The following TRPM1 variants were observed in gnomAD, a reference collection of about 807,000 sequenced individuals.
TRPM1 encodes TRPM1-203 APA Isoform, Intron 10.
TRPM1 carries 113 observed loss-of-function variants against 149.4 expected under a neutral mutation model. The observed-to-expected ratio is 0.76, with a 90% confidence interval of 0.65 to 0.88. TRPM1 has a LOEUF of 0.88. Among genes scored for constraint, TRPM1 ranks in the 40% least tolerant of loss-of-function variants. TRPM1 has a pLI of 0.00. For missense variants in TRPM1, 1,976 were observed against 2,038.7 expected (o/e 0.97, Z 0.59); for synonymous variants, 741 against 759.5 (o/e 0.98, Z 0.40).
At chr15:31,039,496 T>C (rs1021266478) in intron 18 of TRPM1, among the ~76,000 whole-genome samples, 2 of 152,180 alleles carry the variant, frequency 1.3e-5, no homozygotes, top group Non-Finnish European at 2.9e-5. Flanking sequence ...CTAAAATAGA[T>C]ATAATACTGC....
At chr15:31,080,149 A>G (rs761419906) in intron 2 of TRPM1, among the ~76,000 whole-genome samples, 3 of 152,210 alleles carry the variant, frequency 2.0e-5, no homozygotes, top group Non-Finnish European at 4.4e-5. Flanking sequence ...TCCCTATTAA[A>G]TGTGGAAGGA....
intron 1 of TRPM1, among the ~76,000 whole-genome samples, chr15:31,113,741 A>G (rs1046953360): frequency 2.6e-5 from 4 of 152,314 alleles, no homozygotes; most frequent in South Asian, 2.1e-4. Context: ...GCCTTTAAGA[A>G]TGAAGCATGC....
chr15:31,065,623 T>A (rs1307339320), intron 7 of TRPM1, among the ~76,000 whole-genome samples: 1 of 152,080 alleles, frequency 6.6e-6, no homozygotes, highest in Non-Finnish European at 1.5e-5. Flanking sequence ...TGCAGCCCTC[T>A]CCAGATATGT....
In TRPM1 at chr15:31,076,127, C is replaced by CGG. The variant is rs3214509; in HGVS notation, c.83+776_83+777dup. 1.9e-3 allele frequency among the ~76,000 whole-genome samples: 282 copies of CGG among 151,750 alleles called. 1 individual carries two copies. The East Asian group carries it at 0.039, about 21-fold the overall frequency. ...TGTTTCATAATGGCATTTCTTACCT[C>CGG]GGGGGGCAATCACTGGGGTTTAAGC... On this transcript the variant is annotated intron_variant, in intron 3 of 27. Coordinates refer to ENST00000256552, the MANE Select transcript of TRPM1 (RefSeq NM_001252024.2).
chr15:31,117,378 C>T (rs1187160639), intron 1 of TRPM1, among the ~76,000 whole-genome samples: 1 of 152,084 alleles, frequency 6.6e-6, no homozygotes, highest in Non-Finnish European at 1.5e-5. Flanking sequence ...CCCAGCTACT[C>T]AGGATGCTGA....
At position 31,002,248 on chromosome 15, in the gene TRPM1, C is replaced by G. The variant is rs16956430; in HGVS notation, c.4452G>C (p.Thr1484=). The G allele has an allele frequency of 9.7e-5, 156 of 1,614,196 alleles. 1 individual carries two copies. The Middle Eastern group carries it at 2.3e-3, about 24-fold the overall frequency. The change falls in exon 28 of 28, where the codon ACG becomes ACC. Residue 1484 remains threonine (T), a synonymous_variant. Coordinates refer to ENST00000256552, the MANE Select transcript of TRPM1 (RefSeq NM_001252024.2). The part of the protein sequence containing the change: ...VNQDVEYSSI[T]DQQLTTEWQC... The stretch of plus-strand genomic sequence containing the variant: ...GCCATTCCGTCGTCAATTGCTGGTC[C>G]GTGATTGAACTGTACTCTACATCCT...
At chr15:31,089,998 G>GA (rs1241214679) in intron 1 of TRPM1, among the ~76,000 whole-genome samples, 8 of 151,966 alleles carry the variant, frequency 5.3e-5, no homozygotes, top group Non-Finnish European at 1.2e-4. Context: ...TAAAACAAAT[G>GA]AAAAAACCCT....
intron 1 of TRPM1, among the ~76,000 whole-genome samples, chr15:31,123,119 G>A (rs1392780406): frequency 6.6e-6 from 1 of 152,164 alleles, no homozygotes; most frequent in Non-Finnish European, 1.5e-5. Flanking sequence ...AAATGATGCT[G>A]GGACAACTGA....
intron 1 of TRPM1, among the ~76,000 whole-genome samples, chr15:31,109,494 C>G (rs28464536): frequency 6.6e-6 from 1 of 151,384 alleles, no homozygotes; most frequent in Non-Finnish European, 1.5e-5. Flanking sequence ...GTCTGGAGTT[C>G]GAGATCAACC....
chr15:31,056,902 T>C (rs2034100892), intron 11 of TRPM1, among the ~76,000 whole-genome samples: 1 of 152,242 alleles, frequency 6.6e-6, no homozygotes, highest in Non-Finnish European at 1.5e-5. Context: ...TTACCCCATC[T>C]GTGGTATTCT....
At chr15:31,079,982 G>A (rs1484867532) in intron 2 of TRPM1, among the ~76,000 whole-genome samples, 1 of 152,114 alleles carries the variant, frequency 6.6e-6, no homozygotes, top group African/African-American at 2.4e-5. Flanking sequence ...GGCTCCCAGT[G>A]GCTTTCTCTG....
intron 21 of TRPM1, 41 bp from the exon 22 acceptor site, chr15:31,032,981 A>G: frequency 6.2e-7 from 1 of 1,612,932 alleles, no homozygotes; most frequent in South Asian, 1.1e-5. Context: ...GAGATGCCGT[A>G]TTAGAAGTCT....
Position 31,002,220 on chromosome 15 carries a change from A to C in TRPM1, c.4480T>G (p.Cys1494Gly). Residue 1494 changes from cysteine (C) to glycine (G), a missense_variant, in exon 28 of 28, where the codon TGC becomes GGC. Around this residue, in one of 3 missense-constraint regions of TRPM1, gnomAD observed 572 missense variants for 578.9 expected, o/e 0.99. Transcript: ENST00000256552. ...TDQQLTTEWQ[C>G]QVQKITRSHS... ...GAGCGCGTGATCTTTTGAACTTGGC[A>C]TTGCCATTCCGTCGTCAATTGCTGG... 6.2e-7 allele frequency: 1 copy of C among 1,614,220 alleles called. No individual in the cohort carries two copies. The highest frequency in any genetic ancestry group is 1.1e-5 in the South Asian group (1 of 91,088).
At chr15:31,020,951 C>G (rs2032532435) in intron 27 of TRPM1, among the ~76,000 whole-genome samples, 1 of 152,146 alleles carries the variant, frequency 6.6e-6, no homozygotes, top group Non-Finnish European at 1.5e-5. Context: ...AAGCCACACC[C>G]TCCAGTACAA....
chr15:31,067,548 C>T (rs773738628), intron 5 of TRPM1, among the ~76,000 whole-genome samples: 5 of 119,934 alleles, frequency 4.2e-5, no homozygotes, highest in Admixed American at 8.5e-5. Context: ...TGTCTTTGTG[C>T]CTCAGTTTCC....
At chr15:31,136,837 A>G (rs2036095881) in intron 1 of TRPM1, among the ~76,000 whole-genome samples, 1 of 150,204 alleles carries the variant, frequency 6.7e-6, no homozygotes, top group African/African-American at 2.5e-5. Context: ...GTATTGCCCA[A>G]TTCTAGAATT....
intron 1 of TRPM1, among the ~76,000 whole-genome samples, chr15:31,147,220 A>C (rs1054064814): frequency 4.6e-5 from 7 of 152,236 alleles, no homozygotes; most frequent in Non-Finnish European, 1.0e-4. Context: ...CCCCAGCTCC[A>C]AGAACACTGC....
intron 11 of TRPM1, among the ~76,000 whole-genome samples, chr15:31,054,279 GTTTT>G (rs1428706538): frequency 6.6e-6 from 1 of 151,770 alleles, no homozygotes; most frequent in Non-Finnish European, 1.5e-5. Context: ...TCTTCATTAT[GTTTT>G]TTGTTTGTTT....
At chr15:31,122,590 A>T (rs1383570607) in intron 1 of TRPM1, among the ~76,000 whole-genome samples, 1 of 152,230 alleles carries the variant, frequency 6.6e-6, no homozygotes, top group African/African-American at 2.4e-5. Flanking sequence ...CTAGTACCAA[A>T]CAATAGAGTA....
Sources: allele counts gnomAD v4.1 joint callset (sites outside exome capture counted in the v4.1 genomes callset), GRCh38; gene constraint gnomAD v4.1.1; regional missense constraint gnomAD v4.1.1; transcripts MANE v1.5; gene names NCBI Gene and HGNC (gene_info 2026-07-23, HGNC 2026-07-21).